Variants in FAM185A observed in about 807,000 individuals in gnomAD.
FAM185A encodes family with sequence similarity 185 member A.
In FAM185A, 21 loss-of-function variants were observed where a neutral mutation model predicts 45.7. The observed-to-expected ratio is 0.46, with a 90% CI of 0.33 to 0.66. The LOEUF (loss-of-function observed/expected upper bound fraction) is 0.66, where lower values mean the gene tolerates loss of function less well. Ranked by LOEUF, FAM185A falls within the 30% of genes least tolerant of loss-of-function variation. FAM185A has a pLI of 0.03. For synonymous variants in FAM185A, 117 were observed against 194.0 expected, an observed-to-expected ratio of 0.60 and a Z score of 3.30; for missense variants, 305 against 485.4, an observed-to-expected ratio of 0.63 and a Z score of 3.49.
At chr7:102,793,089 A>G (rs1366071201) in intron 7 of FAM185A, among the ~76,000 whole-genome samples, 1 of 152,264 alleles carries the variant, frequency 6.6e-6, no homozygotes, top group Non-Finnish European at 1.5e-5. Flanking sequence ...CAGATGGAAG[A>G]AATTCAATAA....
the FAM185A span, among the ~76,000 whole-genome samples, chr7:102,824,955 T>C: frequency 6.6e-6 from 1 of 152,180 alleles, no homozygotes; most frequent in African/African-American, 2.4e-5. Flanking sequence ...TCCTAGTGCA[T>C]TCTTATACTA....
chr7:102,822,394 G>T, the FAM185A span: 1 of 691,436 alleles, frequency 1.4e-6, no homozygotes, highest in Non-Finnish European at 2.6e-6. Flanking sequence ...TGCAATTGGT[G>T]TCTTGGGAAG....
At chr7:102,771,047 T>C (rs1245882883) in intron 4 of FAM185A, among the ~76,000 whole-genome samples, 3 of 152,192 alleles carry the variant, frequency 2.0e-5, no homozygotes, top group Non-Finnish European at 2.9e-5. Context: ...AATGAAATTA[T>C]ATCCTTTGCA....
intron 3 of FAM185A, among the ~76,000 whole-genome samples, chr7:102,760,108 A>G (rs1417020851): frequency 5.9e-5 from 9 of 152,240 alleles, no homozygotes; most frequent in African/African-American, 1.7e-4. Flanking sequence ...CATTTCGTCT[A>G]TTTGGTGAAT....
intron 5 of FAM185A, among the ~76,000 whole-genome samples, chr7:102,773,539 G>A (rs2129436895): frequency 6.6e-6 from 1 of 152,130 alleles, no homozygotes; most frequent in East Asian, 1.9e-4. Flanking sequence ...TCATTTTATG[G>A]ATGTATATAT....
chr7:102,764,173 G>T (rs1794254327), intron 4 of FAM185A, among the ~76,000 whole-genome samples: 1 of 150,790 alleles, frequency 6.6e-6, no homozygotes, highest in African/African-American at 2.4e-5. Flanking sequence ...GTTCAGCCTT[G>T]CTTTCTCCAC....
chr7:102,751,456 G>T (rs1250971474), intron 1 of FAM185A, among the ~76,000 whole-genome samples: 22 of 151,754 alleles, frequency 1.4e-4, no homozygotes, highest in Non-Finnish European at 3.2e-4. Context: ...ATCTATGTTA[G>T]TTCTCTTTAG....
At chr7:102,762,171 C>T (rs966772306) in intron 4 of FAM185A, among the ~76,000 whole-genome samples, 3 of 152,184 alleles carry the variant, frequency 2.0e-5, no homozygotes, top group African/African-American at 7.2e-5. Context: ...TGTATTTGTA[C>T]TGGCACCAGG....
the FAM185A span, chr7:102,822,009 A>T: frequency 2.5e-6 from 4 of 1,610,408 alleles, no homozygotes; most frequent in Non-Finnish European, 3.4e-6. Context: ...AGTAGTTCTC[A>T]AAAGTTTGTC....
the FAM185A span, among the ~76,000 whole-genome samples, chr7:102,840,293 A>G: frequency 9.2e-5 from 14 of 152,344 alleles, no homozygotes; most frequent in Middle Eastern, 3.4e-3. Flanking sequence ...AATAAAAATG[A>G]ACCAGGATTG....
chr7:102,810,289 G>A (rs1797357134), downstream of FAM185A, among the ~76,000 whole-genome samples: 1 of 152,196 alleles, frequency 6.6e-6, no homozygotes, highest in Admixed American at 6.5e-5. Context: ...CTGGAGTGCA[G>A]TGGCACAATC....
chr7:102,844,029 G>T, the FAM185A span, among the ~76,000 whole-genome samples: 1 of 152,174 alleles, frequency 6.6e-6, no homozygotes, highest in African/African-American at 2.4e-5. Flanking sequence ...AAACCAGCTT[G>T]TGAAGAATAT....
At chr7:102,826,929 T>C in the FAM185A span, among the ~76,000 whole-genome samples, 2 of 150,952 alleles carry the variant, frequency 1.3e-5, no homozygotes, top group Non-Finnish European at 2.9e-5. Context: ...TATTTGGCTA[T>C]TTCCTAAGAG....
the FAM185A span, among the ~76,000 whole-genome samples, chr7:102,831,800 T>C: frequency 6.6e-6 from 1 of 152,122 alleles, no homozygotes; most frequent in African/African-American, 2.4e-5. Context: ...TGCTCTTATC[T>C]CCTCTCCTGT....
intron 6 of FAM185A, among the ~76,000 whole-genome samples, chr7:102,780,431 G>T (rs1306875955): frequency 6.6e-6 from 1 of 152,228 alleles, no homozygotes; most frequent in African/African-American, 2.4e-5. Flanking sequence ...CAGCCAGGTT[G>T]TATGGAAATA....
chr7:102,827,036 G>A, the FAM185A span: 4 of 406,122 alleles, frequency 9.8e-6, no homozygotes, highest in Non-Finnish European at 2.1e-5. Flanking sequence ...AAGAAGTAGA[G>A]TCTGTTTCCT....
intron 4 of FAM185A, among the ~76,000 whole-genome samples, chr7:102,763,239 A>G (rs1306790310): frequency 6.6e-6 from 1 of 152,206 alleles, no homozygotes; most frequent in Non-Finnish European, 1.5e-5. Context: ...TAAAGTAGCT[A>G]AAATGGAAAT....
At chr7:102,783,641 C>CA (rs1795565583) in intron 6 of FAM185A, among the ~76,000 whole-genome samples, 1 of 151,660 alleles carries the variant, frequency 6.6e-6, no homozygotes, top group Non-Finnish European at 1.5e-5. Flanking sequence ...TCTGGTATGT[C>CA]AAAGATACCA....
the FAM185A span, among the ~76,000 whole-genome samples, chr7:102,831,843 C>T: frequency 6.6e-6 from 1 of 152,114 alleles, no homozygotes; most frequent in Non-Finnish European, 1.5e-5. Flanking sequence ...CACTCTTCAT[C>T]TCTAGTTCTG....
Sources: gnomAD v4.1 joint callset for allele counts (sites outside exome capture counted in the v4.1 genomes callset) on GRCh38, gnomAD v4.1.1 for gene constraint, MANE v1.5 for transcripts, NCBI Gene and HGNC (gene_info 2026-07-23, HGNC 2026-07-21) for gene names.